The following KBTBD3 variants were observed in gnomAD, a reference collection of about 807,000 sequenced individuals.
KBTBD3 encodes the protein kelch repeat and BTB domain containing 3, also known as kelch repeat and BTB domain-containing protein 3.
In KBTBD3, 38 loss-of-function variants were observed where a neutral mutation model predicts 49.6. That is an observed-to-expected ratio of 0.77 (90% CI 0.59 to 1.00). The LOEUF (loss-of-function observed/expected upper bound fraction) is 1.00. KBTBD3 is among the 50% of genes least tolerant of loss of function. The pLI is 0.00. For missense variants in KBTBD3, 661 were observed against 712.0 expected (o/e 0.93, Z 0.81); for synonymous variants, 214 against 250.4 (o/e 0.85, Z 1.37).
rs1184803591 is a variant in KBTBD3, at chr11:106,053,831, A to G, written c.858T>C (p.Pro286=). 1.2e-6 allele frequency: 2 copies of G among 1,613,878 alleles called. No individual in the cohort carries two copies. Among genetic ancestry groups the G allele is most frequent in the Non-Finnish European group, 1.7e-6 (2 of 1,179,918 alleles). Residue 286 remains proline (P), a synonymous_variant, in exon 4 of 4, where the codon CCT becomes CCC. Coordinates refer to ENST00000531837, the MANE Select transcript of KBTBD3 (RefSeq NM_198439.3). The stretch of plus-strand genomic sequence containing the variant: ...TCTCAGTTGTGGATGGTCGAGCATC[A>G]GGGAAGAGTCCACCAGAACCTTGCA... ...KCVQGSGGLF[P]DARPSTTEKY...
At chr11:106,058,685 G>A (rs1860612829) in intron 3 of KBTBD3, 180 bp downstream of exon 3, 2 of 543,636 alleles carry the variant, frequency 3.7e-6, no homozygotes, top group Non-Finnish European at 6.3e-6. Context: ...TGGCCTCTTA[G>A]GGTGTTGGGA....
intron 2 of KBTBD3, among the ~76,000 whole-genome samples, chr11:106,062,107 C>T (rs1860711670): frequency 6.6e-6 from 1 of 151,988 alleles, no homozygotes; most frequent in Non-Finnish European, 1.5e-5. Flanking sequence ...TTGTAACTGG[C>T]AGTACTGCTG....
intron 2 of KBTBD3, among the ~76,000 whole-genome samples, chr11:106,074,169 A>G (rs371139643): frequency 1.4e-5 from 2 of 145,108 alleles, no homozygotes; most frequent in East Asian, 4.3e-4. Context: ...CTCCCACCCT[A>G]CTAGACATTT....
At chr11:106,073,761 G>A (rs982394583) in intron 2 of KBTBD3, among the ~76,000 whole-genome samples, 2 of 152,226 alleles carry the variant, frequency 1.3e-5, no homozygotes, top group Non-Finnish European at 2.9e-5. Context: ...TTAATGAAAG[G>A]AAGAGGGTTA....
chr11:106,058,906 C>T lies in KBTBD3; in HGVS notation c.192G>A (p.Pro64=), dbSNP rs73554750. ...FKIIMKDEII[P]CHRCVLAACS... ...ATGCTGCTAACACACAACGATGACA[C>T]GGGATTATTTCATCTTTCATAATTA... The change falls in exon 3 of 4, where the codon CCG becomes CCA. Residue 64 remains proline (P), a synonymous_variant. Coordinates refer to ENST00000531837, the MANE Select transcript of KBTBD3 (RefSeq NM_198439.3). The T allele has an allele frequency of 5.1e-6, 8 of 1,576,008 alleles. No homozygotes were observed. Among genetic ancestry groups the T allele is most frequent in the Admixed American group, 2.0e-5 (1 of 49,870 alleles).
chr11:106,053,903 G>C lies in KBTBD3; in HGVS notation c.786C>G (p.Leu262=). 6.2e-7 allele frequency: 1 copy of C among 1,613,898 alleles called. No individual in the cohort carries two copies. The highest frequency in any genetic ancestry group is 2.2e-5 in the East Asian group (1 of 44,870). Residue 262 remains leucine (L), a synonymous_variant, in exon 4 of 4, where the codon CTC becomes CTG. Coordinates refer to ENST00000531837, the MANE Select transcript of KBTBD3 (RefSeq NM_198439.3). ...QDCLFNEESL[L]KSTNCFDIIM... is the part of the protein sequence containing the mutation. ...TTATGTCAAAACAGTTTGTGCTTTTGAGTAAACTCTCTTCATTGAACAGAC... is the reference window on the plus strand; with the variant it reads ...TTATGTCAAAACAGTTTGTGCTTTTCAGTAAACTCTCTTCATTGAACAGAC...
chr11:106,057,281 C>T (rs1860571593), intron 3 of KBTBD3: 1 of 152,146 alleles, frequency 6.6e-6, no homozygotes. Flanking sequence ...GGATTCAAAA[C>T]AGTATAAATT....
chr11:106,057,865 C>T (rs1313864384), intron 3 of KBTBD3: 1 of 379,548 alleles, frequency 2.6e-6, no homozygotes, highest in African/African-American at 2.1e-5. Context: ...ATTTTCTTTT[C>T]TCGCAGAGTT....
chr11:106,053,682 C>G lies in KBTBD3; in HGVS notation c.1007G>C (p.Ser336Thr). 1 of 1,613,740 alleles carries G rather than the reference C, an allele frequency of 6.2e-7. No homozygotes were observed. The highest frequency in any genetic ancestry group is 2.2e-5 in the East Asian group (1 of 44,878). ...QSHLIDLPGS[S>T]LSSYGEKIFL... Reference sequence around the variant, plus strand: ...TATTTTCTCTCCGTAACTCGAAAGACTAGATCCTGGCAAATCAATCAGGTG... The same window carrying G: ...TATTTTCTCTCCGTAACTCGAAAGAGTAGATCCTGGCAAATCAATCAGGTG... The change falls in exon 4 of 4, where the codon AGT (serine) becomes ACT (threonine). Residue 336 changes from serine to threonine, a missense_variant. Physicochemically the swap from Ser to Thr is moderately conservative, Grantham distance 58. Coordinates refer to ENST00000531837, the MANE Select transcript of KBTBD3 (RefSeq NM_198439.3).
intron 2 of KBTBD3, among the ~76,000 whole-genome samples, chr11:106,074,114 C>CT (rs964761806): frequency 3.6e-5 from 3 of 82,676 alleles, no homozygotes; most frequent in South Asian, 9.5e-4. Context: ...TGCCGAACAC[C>CT]CCCCCCCACA....
At chr11:106,055,380 G>GTA (rs1860530891) in intron 3 of KBTBD3, among the ~76,000 whole-genome samples, 1 of 152,108 alleles carries the variant, frequency 6.6e-6, no homozygotes, top group Non-Finnish European at 1.5e-5. Context: ...GTTGCCCAAA[G>GTA]TATACTAGGG....
chr11:106,056,409 ATGT>A (rs1860553552), intron 3 of KBTBD3, among the ~76,000 whole-genome samples: 1 of 152,208 alleles, frequency 6.6e-6, no homozygotes, highest in Non-Finnish European at 1.5e-5. Context: ...CAAAAATTAT[ATGT>A]AAATTGAATA....
At chr11:106,072,853 G>C (rs561285066) in intron 2 of KBTBD3, among the ~76,000 whole-genome samples, 1 of 152,230 alleles carries the variant, frequency 6.6e-6, no homozygotes, top group Admixed American at 6.5e-5. Context: ...AGGCACTAGA[G>C]ATATAAAGAG....
Position 106,054,459 on chromosome 11 carries a change from C to G in KBTBD3, c.234-4G>C. ...CATGTTTACTTCAAACATAGCCCTG[C>G]AAAAATAAAGAACACAGAAAAACAG... On this transcript the variant is annotated splice_region_variant and splice_polypyrimidine_tract_variant and intron_variant, in intron 3 of 3. Transcript: ENST00000531837. 6.7e-7 allele frequency: 1 copy of G among 1,496,390 alleles called. No individual in the cohort carries two copies. The highest frequency in any genetic ancestry group is 1.4e-5 in the South Asian group (1 of 69,792). The allele number at this position is 1,496,390 out of a possible 1,614,324, so 92.7% of individuals were successfully genotyped here. A position where few individuals can be genotyped will look rare whatever the true frequency, so the allele number is the denominator to read the frequency against.
intron 2 of KBTBD3, among the ~76,000 whole-genome samples, chr11:106,068,803 G>A (rs1356269937): frequency 6.6e-6 from 1 of 152,032 alleles, no homozygotes; most frequent in Non-Finnish European, 1.5e-5. Flanking sequence ...TGCAAAAATT[G>A]TTTAAAAAAT....
rs766874656 is a variant in KBTBD3, at chr11:106,052,920, G to T, written c.1769C>A (p.Thr590Lys). 6.2e-7 allele frequency: 1 copy of T among 1,613,564 alleles called. No homozygotes were observed. The highest frequency in any genetic ancestry group is 1.7e-5 in the Admixed American group (1 of 59,968). The change falls in exon 4 of 4, where the codon ACA becomes AAA. Residue 590 changes from threonine to lysine, a missense_variant. Thr to Lys is a moderately conservative substitution (Grantham distance 78, BLOSUM62 -1). Coordinates refer to ENST00000531837, the MANE Select transcript of KBTBD3 (RefSeq NM_198439.3). The part of the protein sequence containing the change: ...EEVSPMPRAL[T>K]EFYCQVIQFN... ...CTGAATCACCTGGCAGTAAAATTCT[G>T]TTAAGGCTCTAGGCATTGGTGAAAC...
chr11:106,053,084 T>A lies in KBTBD3; in HGVS notation c.1605A>T (p.Gly535=). Residue 535 remains glycine, a synonymous_variant, in exon 4 of 4, where the codon GGA becomes GGT. Transcript: ENST00000531837. ...CPDTCVWKGE[G]SFECAGFNAG... ...CATTAAAGCCTGCACACTCAAAAGATCCTTCGCCTTTCCAAACACAAGTGT... is the reference window on the plus strand; with the variant it reads ...CATTAAAGCCTGCACACTCAAAAGAACCTTCGCCTTTCCAAACACAAGTGT... 1 of 1,613,772 alleles carries A rather than the reference T, an allele frequency of 6.2e-7. No homozygotes were observed. The highest frequency in any genetic ancestry group is 8.5e-7 in the Non-Finnish European group (1 of 1,179,830).
chr11:106,073,371 T>C (rs1860962035), intron 2 of KBTBD3, among the ~76,000 whole-genome samples: 1 of 151,622 alleles, frequency 6.6e-6, no homozygotes, highest in African/African-American at 2.4e-5. Flanking sequence ...CAAAGTGCTG[T>C]TGACTACAGG....
At chr11:106,064,727 T>C (rs1330566324) in intron 2 of KBTBD3, among the ~76,000 whole-genome samples, 2 of 152,146 alleles carry the variant, frequency 1.3e-5, no homozygotes, top group Non-Finnish European at 2.9e-5. Context: ...AAGATGTTAC[T>C]CCTGGTCTCA....
Sources: allele counts gnomAD v4.1 joint callset (sites outside exome capture counted in the v4.1 genomes callset), GRCh38; gene constraint gnomAD v4.1.1; transcripts MANE v1.5; gene names NCBI Gene and HGNC (gene_info 2026-07-23, HGNC 2026-07-21).